Variants in SV2B observed in about 807,000 individuals in gnomAD.
SV2B encodes the protein synaptic vesicle glycoprotein 2B.
In SV2B, 41 loss-of-function variants were observed where a neutral mutation model predicts 73.9. The ratio of observed to expected loss-of-function variants is 0.56; its 90% CI spans 0.43 to 0.72. The LOEUF (loss-of-function observed/expected upper bound fraction) is 0.72. SV2B is among the 30% of genes least tolerant of loss of function. The pLI, the probability that SV2B is intolerant of heterozygous loss-of-function variation, is 0.00. For missense variants in SV2B, 764 were observed against 857.8 expected (o/e 0.89, Z 1.37); for synonymous variants, 314 against 314.2 (o/e 1.00, Z 0.01).
chr15:91,101,372 G>A lies in SV2B; in HGVS notation c.-392+1009G>A, dbSNP rs1037761455. ...GAGGTGACTTGTTCTGCTTGTTCCA[G>A]TTGGTGCAGTAGGTACAGGCTCGTT... On this transcript the variant is annotated intron_variant, in intron 1 of 12. Coordinates refer to ENST00000394232, the MANE Select transcript of SV2B (RefSeq NM_001323032.3). Among the ~76,000 whole-genome samples the A allele has an allele frequency of 3.9e-5, 6 of 152,114 alleles. 1 individual carries two copies. The highest frequency in any genetic ancestry group is 4.4e-5 in the Non-Finnish European group (3 of 68,036).
intron 11 of SV2B, among the ~76,000 whole-genome samples, chr15:91,286,019 G>A (rs953205111): frequency 6.6e-6 from 1 of 152,162 alleles, no homozygotes; most frequent in Non-Finnish European, 1.5e-5. Flanking sequence ...GCACGCTCTC[G>A]AATGAGAGAT....
At position 91,246,029 on chromosome 15, in the gene SV2B, GA is replaced by G. The variant is rs1302771098; in HGVS notation, c.452-5789del. ...ATCAGGGATGCCTTTCTAAGGAGAT[GA>G]CATTTAATGTGGGAACTGAAGAAAT... On this transcript the variant is annotated intron_variant, in intron 2 of 12. Coordinates refer to ENST00000394232, the MANE Select transcript of SV2B (RefSeq NM_001323032.3). Among the ~76,000 whole-genome samples the G allele has an allele frequency of 4.3e-5, 6 of 140,790 alleles. No homozygotes were observed. In the East Asian group the frequency reaches 1.3e-3, roughly 29 times the overall value. The allele number at this position is 140,790 out of a possible 152,430, so 92.4% of individuals were successfully genotyped here. A position where few individuals can be genotyped will look rare whatever the true frequency, so the allele number is the denominator to read the frequency against.
At position 91,220,666 on chromosome 15, in the gene SV2B, C is replaced by A. The variant is rs1380763963; in HGVS notation, c.-391-5207C>A. On this transcript the variant is annotated intron_variant, in intron 1 of 12. Transcript: ENST00000394232. The surrounding 1 kb of genome is among the most constrained non-coding windows in gnomAD (Gnocchi z 4.1). Reference sequence around the variant, plus strand: ...TAAAGGAGGATGCTTAAGAGGTTAGCAGCATGGGAGGTAGTTGTTTTTAGG... The same window carrying A: ...TAAAGGAGGATGCTTAAGAGGTTAGAAGCATGGGAGGTAGTTGTTTTTAGG... 6.6e-6 allele frequency among the ~76,000 whole-genome samples: 1 copy of A among 152,148 alleles called. No individual in the cohort carries two copies. Among genetic ancestry groups the A allele is most frequent in the East Asian group, 1.9e-4 (1 of 5,196 alleles).
At chr15:91,154,219 G>T (rs112820565) in intron 1 of SV2B, among the ~76,000 whole-genome samples, 41 of 149,530 alleles carry the variant, frequency 2.7e-4, no homozygotes, top group African/African-American at 9.3e-4. Flanking sequence ...GTAATATAAA[G>T]ATACTTTTTT....
At position 91,297,565 on chromosome 15, in the gene SV2B, C is replaced by G. The variant is rs942277901; in HGVS notation, c.*5013C>G. The G allele has an allele frequency of 3.3e-5, 5 of 152,108 alleles. No individual in the cohort carries two copies. Among genetic ancestry groups the G allele is most frequent in the African/African-American group, 1.2e-4 (5 of 41,426 alleles). The allele number at this position is 152,108 out of a possible 1,614,324, so 9.4% of individuals were successfully genotyped here. ...AAGAATCTGCATTTTTTAACAAACT[C>G]CCAGGTGACATAGATGGCATCAATT... On this transcript the variant is annotated 3_prime_UTR_variant, in exon 13 of 13. Coordinates refer to ENST00000394232, the MANE Select transcript of SV2B (RefSeq NM_001323032.3). The surrounding 1 kb of genome is among the most constrained non-coding windows in gnomAD (Gnocchi z 5.1).
At chr15:91,102,986 G>A (rs1473690453) in intron 1 of SV2B, among the ~76,000 whole-genome samples, 3 of 152,336 alleles carry the variant, frequency 2.0e-5, no homozygotes, top group South Asian at 2.1e-4. Flanking sequence ...CTGCTGTTGA[G>A]TCAGACACCC....
At chr15:91,172,713 G>T (rs1480436785) in intron 1 of SV2B, among the ~76,000 whole-genome samples, 1 of 152,218 alleles carries the variant, frequency 6.6e-6, no homozygotes, top group Non-Finnish European at 1.5e-5. Context: ...CCTGATAGCT[G>T]TGTGACTTTG....
At chr15:91,279,033 C>T (rs1318445770) in intron 9 of SV2B, among the ~76,000 whole-genome samples, 1 of 152,170 alleles carries the variant, frequency 6.6e-6, no homozygotes, top group African/African-American at 2.4e-5. Context: ...ATATGACATG[C>T]ATCTGTGTCT....
chr15:91,221,285 C>T (rs2046202693), intron 1 of SV2B, among the ~76,000 whole-genome samples: 1 of 152,098 alleles, frequency 6.6e-6, no homozygotes, highest in Non-Finnish European at 1.5e-5. Context: ...CTCACAATGA[C>T]CCTACTATAA....
Position 91,251,899 on chromosome 15 carries a change from C to T in SV2B, c.532C>T (p.Leu178Phe). The change falls in exon 3 of 13, where the codon CTC becomes TTC. Residue 178 changes from leucine to phenylalanine, a missense_variant. By Grantham distance (22) the Leu-to-Phe change is conservative (BLOSUM62 0). Transcript: ENST00000394232. ...LADKLGRKRV[L>F]SMSLAVNASF... is the part of the protein sequence containing the mutation. Reference sequence around the variant, plus strand: ...TGATAAGCTGGGAAGGAAGCGAGTCCTCAGCATGTCTCTGGCCGTCAATGC... The same window carrying T: ...TGATAAGCTGGGAAGGAAGCGAGTCTTCAGCATGTCTCTGGCCGTCAATGC... 6.2e-7 allele frequency: 1 copy of T among 1,614,170 alleles called. No homozygotes were observed. The highest frequency in any genetic ancestry group is 8.5e-7 in the Non-Finnish European group (1 of 1,180,020).
chr15:91,257,523 T>A (rs571121433), intron 4 of SV2B, among the ~76,000 whole-genome samples: 1 of 152,356 alleles, frequency 6.6e-6, no homozygotes, highest in East Asian at 1.9e-4. Context: ...CTAGTTATCT[T>A]CCCATTTCAA....
Position 91,251,927 on chromosome 15 carries a change from C to T in SV2B, c.560C>T (p.Ser187Phe). ...AGCATGTCTCTGGCCGTCAATGCCT[C>T]CTTCGCCTCCCTCTCTTCCTTCGTG... ...VLSMSLAVNA[S>F]FASLSSFVQG... Residue 187 changes from serine to phenylalanine, a missense_variant, in exon 3 of 13, where the codon TCC becomes TTC. Coordinates refer to ENST00000394232, the MANE Select transcript of SV2B (RefSeq NM_001323032.3). 6.2e-7 allele frequency: 1 copy of T among 1,614,162 alleles called. No individual in the cohort carries two copies. Among genetic ancestry groups the T allele is most frequent in the Non-Finnish European group, 8.5e-7 (1 of 1,180,042 alleles).
intron 7 of SV2B, 177 bp downstream of exon 7, chr15:91,266,869 G>A (rs968064486): frequency 5.6e-5 from 28 of 497,124 alleles, no homozygotes; most frequent in Non-Finnish European, 9.2e-5. Context: ...AGCTTGCTGT[G>A]TGCCCTGGAG....
intron 1 of SV2B, among the ~76,000 whole-genome samples, chr15:91,109,884 T>G (rs536388578): frequency 4.4e-4 from 67 of 152,200 alleles, no homozygotes; most frequent in African/African-American, 1.5e-3. Flanking sequence ...TATAGGCGTG[T>G]CCCACCATAC....
intron 2 of SV2B, among the ~76,000 whole-genome samples, chr15:91,244,232 A>T (rs2047137398): frequency 6.6e-6 from 1 of 152,250 alleles, no homozygotes; most frequent in South Asian, 2.1e-4. Flanking sequence ...ATTATTATAC[A>T]TGTGATCTAT....
rs970643082 is a variant in SV2B at position 91,241,533 on chromosome 15, A to G, written c.452-10286A>G. Reference sequence around the variant, plus strand: ...TTTGTGTCTTATCCACTATTTTCCAATTTCCAGCATCTCTTCCTCATCTTC... The same window carrying G: ...TTTGTGTCTTATCCACTATTTTCCAGTTTCCAGCATCTCTTCCTCATCTTC... On this transcript the variant is annotated intron_variant, in intron 2 of 12. Coordinates refer to ENST00000394232, the MANE Select transcript of SV2B (RefSeq NM_001323032.3). The surrounding 1 kb of genome is among the most constrained non-coding windows in gnomAD (Gnocchi z 4.8). 2.6e-5 allele frequency among the ~76,000 whole-genome samples: 4 copies of G among 151,990 alleles called. No individual in the cohort carries two copies. The highest frequency in any genetic ancestry group is 7.3e-5 in the African/African-American group (3 of 41,344).
At chr15:91,233,074 G>A (rs377101788) in intron 2 of SV2B, among the ~76,000 whole-genome samples, 1 of 152,140 alleles carries the variant, frequency 6.6e-6, no homozygotes, top group Non-Finnish European at 1.5e-5. Flanking sequence ...ATTCCATGGT[G>A]TATATGCACC....
rs1053357221 is a variant in SV2B at position 91,265,069 on chromosome 15, C to A, written c.1009-1513C>A. The stretch of plus-strand genomic sequence containing the variant: ...GTGGTAACTGACCTTAGAGAGCCAG[C>A]CTGTGGTTGGCGGTCAGGGGCGGGT... On this transcript the variant is annotated intron_variant, in intron 6 of 12. Transcript: ENST00000394232. This position sits in a 1 kb window ranked among gnomAD's most constrained non-coding sequence, Gnocchi z 4.2. Among the ~76,000 whole-genome samples, 2 of 152,168 alleles carry A rather than the reference C, an allele frequency of 1.3e-5. No homozygotes were observed. Among genetic ancestry groups the A allele is most frequent in the Non-Finnish European group, 2.9e-5 (2 of 68,026 alleles).
In SV2B at chr15:91,105,349, G is replaced by A. The variant is rs1434311326; in HGVS notation, c.-392+4986G>A. The stretch of plus-strand genomic sequence containing the variant: ...GTCAGGGTGACATGAAGGAAGTGAA[G>A]GAGTGAGCCAGACAGTTATCTGGGG... On this transcript the variant is annotated intron_variant, in intron 1 of 12. Coordinates refer to ENST00000394232, the MANE Select transcript of SV2B (RefSeq NM_001323032.3). The surrounding 1 kb of genome is among the most constrained non-coding windows in gnomAD (Gnocchi z 5.5). Among the ~76,000 whole-genome samples, 1 of 152,104 alleles carries A rather than the reference G, an allele frequency of 6.6e-6. No individual in the cohort carries two copies. Among genetic ancestry groups the A allele is most frequent in the Admixed American group, 6.6e-5 (1 of 15,262 alleles).
Sources: gnomAD v4.1 joint callset for allele counts (sites outside exome capture counted in the v4.1 genomes callset) on GRCh38, gnomAD v4.1.1 for gene constraint, Gnocchi (gnomAD v3.1) non-coding constraint, MANE v1.5 for transcripts, NCBI Gene and HGNC (gene_info 2026-07-23, HGNC 2026-07-21) for gene names.